The following DSG3 variants were observed in gnomAD, a reference collection of about 807,000 sequenced individuals.
DSG3 encodes the protein desmoglein-3.
In DSG3, 63 loss-of-function variants were observed where a neutral mutation model predicts 85.9. The ratio of observed to expected loss-of-function variants is 0.73; its 90% confidence interval spans 0.60 to 0.90. The LOEUF (loss-of-function observed/expected upper bound fraction) is 0.90, where lower values mean the gene tolerates loss of function less well. Among genes scored for constraint, DSG3 ranks in the 40% least tolerant of loss-of-function variants. The probability of loss-of-function intolerance (pLI) is 0.00; values close to 1 mark genes in which losing one functional copy is unlikely to be tolerated. For synonymous variants in DSG3, 447 were observed against 441.9 expected, an observed-to-expected ratio of 1.01 and a Z score of -0.14; for missense variants, 1,220 against 1,219.9, an observed-to-expected ratio of 1.00 and a Z score of 0.00.
chr18:31,454,405 CATGTT>C (rs1391523481), intron 1 of DSG3, among the ~76,000 whole-genome samples: 1 of 152,184 alleles, frequency 6.6e-6, no homozygotes, highest in African/African-American at 2.4e-5. Context: ...AATTTTGAGA[CATGTT>C]ATAACCACAA....
chr18:31,465,792 G>A (rs550285501), intron 10 of DSG3, among the ~76,000 whole-genome samples: 22 of 152,284 alleles, frequency 1.4e-4, no homozygotes, highest in Non-Finnish European at 2.1e-4. Flanking sequence ...CAACTTGAAC[G>A]TCAGGTGCTT....
rs1338672933 is a variant in DSG3 at position 31,477,135 on chromosome 18, A to T, written c.*875A>T. On this transcript the variant is annotated 3_prime_UTR_variant, in exon 16 of 16. Coordinates refer to ENST00000257189, the MANE Select transcript of DSG3 (RefSeq NM_001944.3). ...TATAAGCTTATGTGTTGAATTTGCTACATCTATATTTCACATATTCTCACA... is the reference window on the plus strand; with the variant it reads ...TATAAGCTTATGTGTTGAATTTGCTTCATCTATATTTCACATATTCTCACA... 6.6e-6 allele frequency: 1 copy of T among 152,196 alleles called. No homozygotes were observed. Among genetic ancestry groups the T allele is most frequent in the African/African-American group, 2.4e-5 (1 of 41,448 alleles). 9.4% of individuals were successfully genotyped at this position (152,196 alleles called of 1,614,324 possible).
chr18:31,458,999 A>T, intron 4 of DSG3, 34 bp from the exon 5 acceptor site: 1 of 1,604,394 alleles, frequency 6.2e-7, no homozygotes, highest in Non-Finnish European at 8.5e-7. Context: ...AACTGATTGC[A>T]GAGTAATACT....
At chr18:31,475,611 A>T in intron 15 of DSG3, 35 bp from the exon 16 acceptor site, 1 of 1,594,124 alleles carries the variant, frequency 6.3e-7, no homozygotes, top group Non-Finnish European at 8.5e-7. Context: ...ACTCTTTCTT[A>T]AAATTCATTT....
chr18:31,475,128 T>C lies in DSG3; in HGVS notation c.2386-518T>C, dbSNP rs117442753. ...AGCATAGAACAGAAAAGGAACATAGTTATGAAAACAAAGAAGACTTTGAAA... is the reference window on the plus strand; with the variant it reads ...AGCATAGAACAGAAAAGGAACATAGCTATGAAAACAAAGAAGACTTTGAAA... On this transcript the variant is annotated intron_variant, in intron 15 of 15. Coordinates refer to ENST00000257189, the MANE Select transcript of DSG3 (RefSeq NM_001944.3). 2.1e-3 allele frequency among the ~76,000 whole-genome samples: 326 copies of C among 152,160 alleles called. 3 individuals are homozygous for C. In the East Asian group the frequency reaches 0.037, roughly 17 times the overall value.
chr18:31,466,828 T>C (rs2072823895), intron 11 of DSG3, 74 bp downstream of exon 11: 1 of 1,367,128 alleles, frequency 7.3e-7, no homozygotes, highest in African/African-American at 1.4e-5. Flanking sequence ...GGAAGATCAT[T>C]TAAGAGCAGG....
At chr18:31,463,638 G>T (rs568692627) in intron 8 of DSG3, among the ~76,000 whole-genome samples, 4 of 152,134 alleles carry the variant, frequency 2.6e-5, no homozygotes, top group African/African-American at 9.7e-5. Flanking sequence ...TGAAGATTCT[G>T]CAAATGACCA....
chr18:31,473,568 T>C (rs549280821), intron 14 of DSG3, among the ~76,000 whole-genome samples: 7 of 152,344 alleles, frequency 4.6e-5, no homozygotes, highest in Non-Finnish European at 8.8e-5. Context: ...CTCACCTGCT[T>C]TTCCCATTAG....
At chr18:31,454,383 A>G (rs1386925964) in intron 1 of DSG3, among the ~76,000 whole-genome samples, 2 of 152,212 alleles carry the variant, frequency 1.3e-5, no homozygotes, top group Non-Finnish European at 2.9e-5. Context: ...AAGAGCAACA[A>G]TGTTGGAAAA....
chr18:31,449,466 A>G (rs9964117), intron 1 of DSG3, among the ~76,000 whole-genome samples: 42,496 of 151,342 alleles, frequency 0.28, 6,826 homozygotes, highest in African/African-American at 0.45. Context: ...GCTAAGGGGG[A>G]TTCTTTTTTT....
Position 31,474,319 on chromosome 18 carries a change from G to A in DSG3, c.2300G>A (p.Arg767Lys), listed in dbSNP as rs2072873646. The change falls in exon 15 of 16, where the codon AGA (arginine) becomes AAA (lysine). Residue 767 changes from arginine (R) to lysine (K), a missense_variant. Transcript: ENST00000257189. ...TCCTCAGGGCAGTCTGGAACCATGA[G>A]AACAAGGCATTCCACTGGAGGAACC... is the stretch of plus-strand genomic sequence containing the variant. ...ICSSGQSGTM[R>K]TRHSTGGTNK... 1 of 1,614,056 alleles carries A rather than the reference G, an allele frequency of 6.2e-7. No homozygotes were observed. The highest frequency in any genetic ancestry group is 8.5e-7 in the Non-Finnish European group (1 of 1,180,048).
intron 10 of DSG3, among the ~76,000 whole-genome samples, chr18:31,465,816 A>G (rs1048005790): frequency 2.6e-5 from 4 of 152,206 alleles, no homozygotes; most frequent in Admixed American, 6.5e-5. Flanking sequence ...TGAGGTACCT[A>G]TAGAGACCTC....
intron 5 of DSG3, 78 bp from the exon 6 acceptor site, chr18:31,459,767 A>C: frequency 7.3e-7 from 1 of 1,366,598 alleles, no homozygotes; most frequent in South Asian, 1.5e-5. Context: ...CATCAATGTG[A>C]ACTTGTTTGG....
rs771270833 is a variant in DSG3, at chr18:31,469,264, T to C, written c.1812T>C (p.Pro604=). 6.2e-7 allele frequency: 1 copy of C among 1,614,078 alleles called. No individual in the cohort carries two copies. Among genetic ancestry groups the C allele is most frequent in the African/African-American group, 1.3e-5 (1 of 74,932 alleles). The stretch of plus-strand genomic sequence containing the variant: ...GAACTTCTTACCCAACCACAAGCCC[T>C]GGGACCAGGTATGGCAGGCCGCACT... The part of the protein sequence containing the change: ...ICGTSYPTTS[P]GTRYGRPHSG... The change falls in exon 12 of 16, where the codon CCT becomes CCC. Residue 604 remains proline (P), a synonymous_variant. Coordinates refer to ENST00000257189, the MANE Select transcript of DSG3 (RefSeq NM_001944.3).
At chr18:31,471,746 T>A (rs1377646779) in intron 12 of DSG3, among the ~76,000 whole-genome samples, 1 of 152,184 alleles carries the variant, frequency 6.6e-6, no homozygotes, top group Non-Finnish European at 1.5e-5. Flanking sequence ...TAAATTACAA[T>A]TAAGAATGCA....
intron 5 of DSG3, among the ~76,000 whole-genome samples, chr18:31,459,435 G>A (rs149267891): frequency 6.6e-6 from 1 of 152,258 alleles, no homozygotes; most frequent in East Asian, 1.9e-4. Flanking sequence ...ATTTATATGA[G>A]CATTTGGCAG....
chr18:31,463,596 G>C (rs188865390), intron 8 of DSG3, among the ~76,000 whole-genome samples: 4 of 152,214 alleles, frequency 2.6e-5, no homozygotes, highest in Admixed American at 2.0e-4. Context: ...AATTTTTAAA[G>C]TCAGGAAAGA....
intron 3 of DSG3, 64 bp from the exon 4 acceptor site, chr18:31,458,381 G>A: frequency 1.3e-6 from 2 of 1,517,120 alleles, no homozygotes. Context: ...CTATGGAAGT[G>A]GGGGTGGAGA....
chr18:31,451,028 G>A (rs1305140136), intron 1 of DSG3, among the ~76,000 whole-genome samples: 2 of 152,036 alleles, frequency 1.3e-5, no homozygotes, highest in Non-Finnish European at 2.9e-5. Flanking sequence ...AAAAATAAAA[G>A]CTATATTTGG....
Sources: allele counts gnomAD v4.1 joint callset (sites outside exome capture counted in the v4.1 genomes callset), GRCh38; gene constraint gnomAD v4.1.1; transcripts MANE v1.5; gene names NCBI Gene and HGNC (gene_info 2026-07-23, HGNC 2026-07-21).